CNTNAP2: variants seen among roughly 807,000 people sequenced by gnomAD.
CNTNAP2 encodes contactin associated protein 2.
CNTNAP2 carries 98 observed loss-of-function variants against 155.2 expected under a neutral mutation model. The observed-to-expected ratio is 0.63, with a 90% CI of 0.54 to 0.75. The LOEUF (loss-of-function observed/expected upper bound fraction) is 0.75. CNTNAP2 is among the 30% of genes least tolerant of loss of function. CNTNAP2 has a pLI of 0.00. For missense variants in CNTNAP2, 1,727 were observed against 1,688.1 expected, an observed-to-expected ratio of 1.02 and a Z score of -0.40; for synonymous variants, 651 against 631.2, an observed-to-expected ratio of 1.03 and a Z score of -0.47.
chr7:147,757,683 T>C (rs1265000015), intron 13 of CNTNAP2, among the ~76,000 whole-genome samples: 1 of 152,228 alleles, frequency 6.6e-6, no homozygotes, highest in Non-Finnish European at 1.5e-5. Context: ...CTTGTGTTTC[T>C]AGACATACTC....
chr7:147,290,134 C>T (rs1337895096), intron 8 of CNTNAP2, among the ~76,000 whole-genome samples: 1 of 152,138 alleles, frequency 6.6e-6, no homozygotes. Context: ...ACAATATTTG[C>T]ACCAACTAAT....
At chr7:147,360,376 C>T (rs17413110) in intron 9 of CNTNAP2, among the ~76,000 whole-genome samples, 34,503 of 151,650 alleles carry the variant, frequency 0.23, 4,302 homozygotes, top group Non-Finnish European at 0.28. Context: ...TTTATTTATC[C>T]CGTGTCTCCT....
intron 3 of CNTNAP2, among the ~76,000 whole-genome samples, chr7:146,873,385 C>A (rs1050079312): frequency 6.6e-6 from 1 of 152,164 alleles, no homozygotes; most frequent in South Asian, 2.1e-4. Context: ...TTTATTTTCA[C>A]AAAATTGGTC....
intron 13 of CNTNAP2, among the ~76,000 whole-genome samples, chr7:147,727,057 ATT>A (rs1796655935): frequency 6.6e-6 from 1 of 151,920 alleles, no homozygotes; most frequent in South Asian, 2.1e-4. Flanking sequence ...CCTCAACAAA[ATT>A]GTATACATTA....
intron 13 of CNTNAP2, among the ~76,000 whole-genome samples, chr7:147,737,247 G>A (rs1255860158): frequency 6.6e-6 from 1 of 152,172 alleles, no homozygotes; most frequent in Admixed American, 6.5e-5. Context: ...TAACAGCCAG[G>A]ACCCTCAGCT....
At chr7:146,193,741 G>A (rs1374876163) in intron 1 of CNTNAP2, among the ~76,000 whole-genome samples, 2 of 152,268 alleles carry the variant, frequency 1.3e-5, no homozygotes, top group South Asian at 4.1e-4. Context: ...TGTTACTTAT[G>A]CAAATTTGGC....
intron 13 of CNTNAP2, among the ~76,000 whole-genome samples, chr7:147,831,606 G>A (rs533699231): frequency 6.6e-6 from 1 of 152,260 alleles, no homozygotes; most frequent in South Asian, 2.1e-4. Flanking sequence ...TTATTCCTAG[G>A]ACCTACTTGT....
intron 13 of CNTNAP2, among the ~76,000 whole-genome samples, chr7:147,794,202 G>A (rs1001765326): frequency 5.6e-4 from 85 of 151,984 alleles, no homozygotes; most frequent in Admixed American, 5.1e-3. Context: ...AAATTGAAGT[G>A]ATAAGCACAT....
At chr7:146,819,441 C>G (rs1803234154) in intron 2 of CNTNAP2, among the ~76,000 whole-genome samples, 1 of 152,132 alleles carries the variant, frequency 6.6e-6, no homozygotes, top group African/African-American at 2.4e-5. Context: ...TACCACAATG[C>G]CACACACTCT....
chr7:148,080,783 A>G (rs950907683), intron 15 of CNTNAP2, among the ~76,000 whole-genome samples: 4 of 148,576 alleles, frequency 2.7e-5, no homozygotes, highest in African/African-American at 1.0e-4. Context: ...ATTATAGAGC[A>G]GGGGGGGAAA....
At chr7:147,613,901 G>T (rs776815682) in intron 12 of CNTNAP2, among the ~76,000 whole-genome samples, 2 of 152,050 alleles carry the variant, frequency 1.3e-5, no homozygotes, top group African/African-American at 2.4e-5. Context: ...GATTTTGAAG[G>T]TCTGTGTTTC....
In CNTNAP2 at chr7:147,802,337, G is replaced by A. The variant is rs563786075; in HGVS notation, c.2099-101228G>A. ...GCTCCTCACATCCCAGACGATGGGC[G>A]GCCAGGCAGAGACACTCCTCACCTC... On this transcript the variant is annotated intron_variant, in intron 13 of 23. Coordinates refer to ENST00000361727, the MANE Select transcript of CNTNAP2 (RefSeq NM_014141.6). 3.5e-4 allele frequency among the ~76,000 whole-genome samples: 52 copies of A among 150,650 alleles called. 1 individual carries two copies. The East Asian group carries it at 9.6e-3, about 28-fold the overall frequency.
chr7:147,407,467 CAAAAAAAA>C (rs768738493), intron 10 of CNTNAP2, among the ~76,000 whole-genome samples: 2 of 64,864 alleles, frequency 3.1e-5, no homozygotes, highest in African/African-American at 5.4e-5. Context: ...GACTCCCTCT[CAAAAAAAA>C]AAAAAAAAAA....
At chr7:146,318,805 G>T (rs1170385498) in intron 1 of CNTNAP2, among the ~76,000 whole-genome samples, 1 of 152,094 alleles carries the variant, frequency 6.6e-6, no homozygotes, top group East Asian at 1.9e-4. Context: ...TATGTAAATT[G>T]TTAGGATACC....
At chr7:146,415,650 T>G (rs1394609852) in intron 1 of CNTNAP2, among the ~76,000 whole-genome samples, 1 of 152,080 alleles carries the variant, frequency 6.6e-6, no homozygotes, top group Non-Finnish European at 1.5e-5. Flanking sequence ...ACTCCACTTT[T>G]GAATCATAGG....
At chr7:147,595,550 A>G (rs1461767246) in intron 12 of CNTNAP2, among the ~76,000 whole-genome samples, 1 of 152,188 alleles carries the variant, frequency 6.6e-6, no homozygotes, top group Non-Finnish European at 1.5e-5. Flanking sequence ...ACATCATCTC[A>G]TTTGAAATAA....
At chr7:147,907,084 T>G (rs774252923) in intron 14 of CNTNAP2, among the ~76,000 whole-genome samples, 1 of 151,662 alleles carries the variant, frequency 6.6e-6, no homozygotes, top group Non-Finnish European at 1.5e-5. Context: ...AGAGACGGAG[T>G]CTTGCTCTGT....
intron 1 of CNTNAP2, among the ~76,000 whole-genome samples, chr7:146,263,127 G>T (rs1289349872): frequency 6.6e-6 from 1 of 152,078 alleles, no homozygotes; most frequent in Non-Finnish European, 1.5e-5. Flanking sequence ...GGCCAGCCTG[G>T]CCAATATGGT....
chr7:147,435,808 A>T (rs766572842), intron 10 of CNTNAP2, among the ~76,000 whole-genome samples: 1 of 152,222 alleles, frequency 6.6e-6, no homozygotes, highest in African/African-American at 2.4e-5. Flanking sequence ...TAGAATAGGA[A>T]TAATAGCACC....
Sources: gnomAD v4.1 joint callset for allele counts (sites outside exome capture counted in the v4.1 genomes callset) on GRCh38, gnomAD v4.1.1 for gene constraint, MANE v1.5 for transcripts, NCBI Gene and HGNC (gene_info 2026-07-23, HGNC 2026-07-21) for gene names.